ENTPD1: variants seen among roughly 807,000 people sequenced by gnomAD.
ENTPD1 encodes ectonucleoside triphosphate diphosphohydrolase 1.
ENTPD1 carries 33 observed loss-of-function variants against 57.0 expected under a neutral mutation model. The ratio of observed to expected loss-of-function variants is 0.58; its 90% CI spans 0.44 to 0.77. The LOEUF is 0.77. Ranked by LOEUF, ENTPD1 falls within the 30% of genes least tolerant of loss-of-function variation. ENTPD1 has a pLI of 0.00. For synonymous variants in ENTPD1, 202 were observed against 218.8 expected (o/e 0.92, Z 0.68); for missense variants, 501 against 603.4 (o/e 0.83, Z 1.78).
rs976249168 is a variant in ENTPD1, at chr10:95,872,840, C to T, written c.*6457C>T. 12 of 985,330 alleles carry T rather than the reference C, an allele frequency of 1.2e-5. No homozygotes were observed. The highest frequency in any genetic ancestry group is 1.7e-5 in the African/African-American group (1 of 57,242). 61.0% of individuals were successfully genotyped at this position (985,330 alleles called of 1,614,324 possible). On this transcript the variant is annotated 3_prime_UTR_variant, in exon 10 of 10. Transcript: ENST00000371205. ...CTCCAGGTTTTAAGAACCAGCCCAA[C>T]TCCTGGTTCCCTGATGAAGCTTTTA...
intron 8 of ENTPD1, among the ~76,000 whole-genome samples, chr10:95,863,156 C>A (rs929376126): frequency 3.3e-5 from 5 of 152,124 alleles, no homozygotes; most frequent in Non-Finnish European, 7.3e-5. Context: ...CTTCAGGAGG[C>A]CAGACTGCAT....
intron 1 of ENTPD1, among the ~76,000 whole-genome samples, chr10:95,774,446 G>C (rs574930679): frequency 5.3e-5 from 8 of 152,238 alleles, no homozygotes; most frequent in Middle Eastern, 3.4e-3. Flanking sequence ...TTTTCTTCTA[G>C]GGTTTTCCTG....
intron 2 of ENTPD1, among the ~76,000 whole-genome samples, chr10:95,824,387 C>G (rs1232800268): frequency 6.6e-6 from 1 of 152,180 alleles, no homozygotes; most frequent in African/African-American, 2.4e-5. Flanking sequence ...AAACTTTTGC[C>G]ATCCACCCAA....
intron 1 of ENTPD1, among the ~76,000 whole-genome samples, chr10:95,773,150 C>G (rs1434667235): frequency 6.6e-6 from 1 of 152,072 alleles, no homozygotes; most frequent in Admixed American, 6.6e-5. Flanking sequence ...TTCACTCACC[C>G]CCAAAGAAGG....
intron 1 of ENTPD1, among the ~76,000 whole-genome samples, chr10:95,792,345 T>A (rs900965877): frequency 1.3e-4 from 20 of 152,202 alleles, no homozygotes; most frequent in African/African-American, 4.8e-4. Flanking sequence ...ATTTTAGAAT[T>A]AGGCAACACT....
rs2097968692 is a variant in ENTPD1 at position 95,713,970 on chromosome 10, A to C, written c.37+1977A>C. 1.3e-5 allele frequency among the ~76,000 whole-genome samples: 2 copies of C among 152,210 alleles called. 1 individual carries two copies. The highest frequency in any genetic ancestry group is 3.8e-4 in the East Asian group (2 of 5,202). On this transcript the variant is annotated intron_variant, in intron 1 of 9. Transcript: ENST00000453258. ...TCTCTATTTTATTTATTTAGTCTAG[A>C]ATAATGTCACCATTATCACAGAAAT... is the stretch of plus-strand genomic sequence containing the variant.
intron 1 of ENTPD1, among the ~76,000 whole-genome samples, chr10:95,714,774 T>A (rs539923738): frequency 1.1e-4 from 17 of 148,426 alleles, no homozygotes; most frequent in South Asian, 2.1e-4. Context: ...ATTTCAAAAA[T>A]TTTTTTTTTT....
At position 95,850,310 on chromosome 10, in the gene ENTPD1, T is replaced by C. The variant is rs897220263; in HGVS notation, c.1074+2604T>C. ...GGACTGTCCTGTCCCGATTTCTGCA[T>C]TGGCAGTTTCATTCTGCTTCAGATT... On this transcript the variant is annotated intron_variant, in intron 7 of 9. Transcript: ENST00000371205. Among the ~76,000 whole-genome samples the C allele has an allele frequency of 9.2e-5, 14 of 152,344 alleles. No homozygotes were observed. In the South Asian group the frequency reaches 1.2e-3, roughly 14 times the overall value.
chr10:95,714,831 G>A (rs1177102007), intron 1 of ENTPD1, among the ~76,000 whole-genome samples: 1 of 152,018 alleles, frequency 6.6e-6, no homozygotes, highest in Non-Finnish European at 1.5e-5. Context: ...AGCAACAACA[G>A]TTTAAGAATA....
chr10:95,824,634 G>A (rs1027092807), intron 2 of ENTPD1, among the ~76,000 whole-genome samples: 1 of 152,182 alleles, frequency 6.6e-6, no homozygotes, highest in Non-Finnish European at 1.5e-5. Flanking sequence ...AAAATACATG[G>A]TTGCCTTCTT....
At chr10:95,859,914 T>C (rs1268529643) in intron 7 of ENTPD1, among the ~76,000 whole-genome samples, 1 of 152,166 alleles carries the variant, frequency 6.6e-6, no homozygotes, top group African/African-American at 2.4e-5. Flanking sequence ...ATGATGATAA[T>C]GATTTTTAAA....
chr10:95,842,505 A>T lies in ENTPD1; in HGVS notation c.413+11A>T. ...CATGCGGTTGCTCAGGTATAGCAGC[A>T]TGTAGGGACCAAGAGTATCTGGGAG... On this transcript the variant is annotated intron_variant, in intron 4 of 9. Coordinates refer to ENST00000371205, the MANE Select transcript of ENTPD1 (RefSeq NM_001776.6). 2 of 1,612,460 alleles carry T rather than the reference A, an allele frequency of 1.2e-6. No homozygotes were observed. Among genetic ancestry groups the T allele is most frequent in the Non-Finnish European group, 1.7e-6 (2 of 1,178,846 alleles).
Position 95,867,774 on chromosome 10 carries a change from G to C in ENTPD1, c.*1391G>C, listed in dbSNP as rs1253730564. 1.0e-6 allele frequency: 1 copy of C among 985,234 alleles called. No homozygotes were observed. Among genetic ancestry groups the C allele is most frequent in the African/African-American group, 1.7e-5 (1 of 57,210 alleles). The allele number at this position is 985,234 out of a possible 1,614,324, so 61.0% of individuals were successfully genotyped here. On this transcript the variant is annotated 3_prime_UTR_variant, in exon 10 of 10. Transcript: ENST00000371205. The stretch of plus-strand genomic sequence containing the variant: ...CCAAGCTCTCCATCTCTAGATCTGG[G>C]GACTGACTGTTGAGCTGATGGGGAA...
In ENTPD1 at chr10:95,868,277, T is replaced by G; in HGVS notation, c.*1894T>G. ...GCTGTCTCCTCATAACTTCCAAGCA[T>G]GCACTTAAAACTCCACATGAATACA... On this transcript the variant is annotated 3_prime_UTR_variant, in exon 10 of 10. Transcript: ENST00000371205. 1.0e-6 allele frequency: 1 copy of G among 985,438 alleles called. No homozygotes were observed. Among genetic ancestry groups the G allele is most frequent in the African/African-American group, 1.7e-5 (1 of 57,360 alleles). 61.0% of individuals were successfully genotyped at this position (985,438 alleles called of 1,614,324 possible).
At chr10:95,779,438 A>AT (rs2098147630) in intron 1 of ENTPD1, among the ~76,000 whole-genome samples, 1 of 152,204 alleles carries the variant, frequency 6.6e-6, no homozygotes. Flanking sequence ...ATAACTTAAC[A>AT]TAGGGTCCAG....
At chr10:95,751,584 G>A (rs2098012082), upstream of ENTPD1, among the ~76,000 whole-genome samples, 3 of 152,110 alleles carry the variant, frequency 2.0e-5, no homozygotes, top group Admixed American at 1.3e-4. Context: ...GCATGGTGGT[G>A]TGCACCTGCA....
In ENTPD1 at chr10:95,873,412, GCACCT is replaced by G. The variant is rs1305191031; in HGVS notation, c.*7032_*7036del. 27 of 985,586 alleles carry G rather than the reference GCACCT, an allele frequency of 2.7e-5. No homozygotes were observed. Among genetic ancestry groups the G allele is most frequent in the Non-Finnish European group, 3.1e-5 (26 of 830,072 alleles). 61.1% of individuals were successfully genotyped at this position (985,586 alleles called of 1,614,324 possible). Reference sequence around the variant, plus strand: ...CCTTGCCCTCTGCCTTTGGAGACCAGCACCTCATACTCAGTGAAGGCCTGGAGTGC... The same window carrying G: ...CCTTGCCCTCTGCCTTTGGAGACCAGCATACTCAGTGAAGGCCTGGAGTGC... On this transcript the variant is annotated 3_prime_UTR_variant, in exon 10 of 10. Transcript: ENST00000371205.
intron 1 of ENTPD1, among the ~76,000 whole-genome samples, chr10:95,721,862 G>A (rs547013809): frequency 1.2e-4 from 19 of 152,162 alleles, no homozygotes; most frequent in African/African-American, 3.1e-4. Flanking sequence ...CCCTTTTCCC[G>A]CCTTTCTTGA....
intron 8 of ENTPD1, chr10:95,861,724 T>C (rs1025738481): frequency 6.6e-6 from 1 of 152,144 alleles, no homozygotes; most frequent in East Asian, 1.9e-4. Context: ...CAGGCCTACA[T>C]GTGGCTGCTG....
Sources: gnomAD v4.1 joint callset for allele counts (sites outside exome capture counted in the v4.1 genomes callset) on GRCh38, gnomAD v4.1.1 for gene constraint, MANE v1.5 for transcripts, NCBI Gene and HGNC (gene_info 2026-07-23, HGNC 2026-07-21) for gene names.